PCGF6: variants seen among roughly 807,000 people sequenced by gnomAD.
PCGF6 encodes polycomb group ring finger 6.
PCGF6 carries 24 observed loss-of-function variants against 45.5 expected under a neutral mutation model. The ratio of observed to expected loss-of-function variants is 0.53; its 90% CI spans 0.38 to 0.74. PCGF6 has a LOEUF of 0.74. PCGF6 is among the 30% of genes least tolerant of loss of function. The pLI, the probability that PCGF6 is intolerant of heterozygous loss-of-function variation, is 0.00. For synonymous variants in PCGF6, 152 were observed against 162.1 expected, an observed-to-expected ratio of 0.94 and a Z score of 0.47; for missense variants, 356 against 443.2, an observed-to-expected ratio of 0.80 and a Z score of 1.77.
At chr10:103,315,964 TTA>T (rs796232789) in intron 8 of PCGF6, among the ~76,000 whole-genome samples, 7 of 144,958 alleles carry the variant, frequency 4.8e-5, no homozygotes, top group South Asian at 2.2e-4. Context: ...CCTCAACAGC[TTA>T]TATGTGTGTG....
intron 8 of PCGF6, among the ~76,000 whole-genome samples, chr10:103,320,644 C>T (rs866847551): frequency 3.9e-5 from 6 of 151,950 alleles, no homozygotes; most frequent in South Asian, 2.1e-4. Flanking sequence ...CCGACATCAT[C>T]GCACCATTGC....
At chr10:103,340,585 C>T (rs994941339) in intron 6 of PCGF6, among the ~76,000 whole-genome samples, 18 of 151,814 alleles carry the variant, frequency 1.2e-4, no homozygotes, top group African/African-American at 4.4e-4. Flanking sequence ...GAAAGTGTTA[C>T]ATTTCCCCAA....
At chr10:103,339,809 AAACACACACACACACACACACAC>A (rs2093272663) in intron 6 of PCGF6, among the ~76,000 whole-genome samples, 1 of 38,666 alleles carries the variant, frequency 2.6e-5, no homozygotes, top group Non-Finnish European at 5.3e-5. Context: ...CTCAAAAAAA[AAACACACACACACACACACACAC>A]ACACACACAC....
At chr10:103,319,563 T>C (rs1239983418) in intron 8 of PCGF6, among the ~76,000 whole-genome samples, 5 of 152,186 alleles carry the variant, frequency 3.3e-5, no homozygotes, top group African/African-American at 9.6e-5. Context: ...ATCTCCACTG[T>C]TGCATTCATT....
chr10:103,349,859 G>A (rs2093314645), intron 1 of PCGF6, among the ~76,000 whole-genome samples: 1 of 150,498 alleles, frequency 6.6e-6, no homozygotes, highest in African/African-American at 2.4e-5. Context: ...GAGGCGGGCG[G>A]ATCACGAGGT....
rs754001394 is a variant in PCGF6 at position 103,345,059 on chromosome 10, A to G, written c.747T>C (p.Pro249=). The change falls in exon 6 of 10, where the codon CCT becomes CCC. Residue 249 remains proline (P), a synonymous_variant. Coordinates refer to ENST00000369847, the MANE Select transcript of PCGF6 (RefSeq NM_001011663.2). ...KVLESVFRIP[P]ELDMSLLLEF... Reference sequence around the variant, plus strand: ...CCAGTAATAAAGACATATCAAGTTCAGGTGGAATACGAAACACTGATTCTA... The same window carrying G: ...CCAGTAATAAAGACATATCAAGTTCGGGTGGAATACGAAACACTGATTCTA... 4 of 1,612,252 alleles carry G rather than the reference A, an allele frequency of 2.5e-6. No homozygotes were observed. Among genetic ancestry groups the G allele is most frequent in the South Asian group, 2.2e-5 (2 of 90,806 alleles).
At chr10:103,316,005 TATATATATAG>T (rs2093174431) in intron 8 of PCGF6, among the ~76,000 whole-genome samples, 2 of 127,790 alleles carry the variant, frequency 1.6e-5, no homozygotes, top group African/African-American at 2.9e-5. Context: ...TATATATATA[TATATATATAG>T]AGAGAGAGAG....
chr10:103,328,329 C>T (rs932756491), intron 7 of PCGF6, among the ~76,000 whole-genome samples: 1 of 152,126 alleles, frequency 6.6e-6, no homozygotes, highest in African/African-American at 2.4e-5. Context: ...TTCTTGAGAA[C>T]TTTCCCAACT....
chr10:103,342,662 G>A (rs753421010), intron 6 of PCGF6, among the ~76,000 whole-genome samples: 1 of 152,130 alleles, frequency 6.6e-6, no homozygotes, highest in Non-Finnish European at 1.5e-5. Flanking sequence ...TTGCCTTTCT[G>A]CACCTTGCTT....
chr10:103,319,595 G>T (rs1199880173), intron 8 of PCGF6, among the ~76,000 whole-genome samples: 3 of 151,932 alleles, frequency 2.0e-5, no homozygotes, highest in Non-Finnish European at 4.4e-5. Context: ...TTAGTTAGTT[G>T]TTTACTTATA....
At chr10:103,336,575 T>C (rs961520715) in intron 6 of PCGF6, among the ~76,000 whole-genome samples, 10 of 152,138 alleles carry the variant, frequency 6.6e-5, no homozygotes, top group East Asian at 5.8e-4. Flanking sequence ...GTGACTTTGT[T>C]AGAAATTGCT....
chr10:103,342,179 G>A (rs1338712717), intron 6 of PCGF6, among the ~76,000 whole-genome samples: 3 of 150,948 alleles, frequency 2.0e-5, no homozygotes, highest in South Asian at 2.1e-4. Context: ...CAAGTGATCC[G>A]CCCACCTCGG....
rs943656768 is a variant in PCGF6 at position 103,310,693 on chromosome 10, T to A, written c.996+3493A>T. ...TAGGCAATTATACCAAAAAAAAAAA[T>A]ATTATTTCTTTTCTTTCTCTTTTTT... is the stretch of plus-strand genomic sequence containing the variant. On this transcript the variant is annotated intron_variant, in intron 9 of 9. Transcript: ENST00000369847. 5.3e-5 allele frequency among the ~76,000 whole-genome samples: 8 copies of A among 151,746 alleles called. No individual in the cohort carries two copies. The East Asian group carries it at 5.8e-4, about 11-fold the overall frequency.
At chr10:103,304,074 CTTTAA>C in intron 9 of PCGF6, 113 bp from the exon 10 acceptor site, 1 of 772,754 alleles carries the variant, frequency 1.3e-6, no homozygotes, top group South Asian at 1.8e-5. Context: ...AGGTGAAATT[CTTTAA>C]TTTAAAGAAA....
intron 6 of PCGF6, among the ~76,000 whole-genome samples, chr10:103,337,024 T>C (rs1203399704): frequency 4.2e-4 from 64 of 152,176 alleles, no homozygotes; most frequent in Non-Finnish European, 1.6e-4. Flanking sequence ...TTAAACTAAT[T>C]TGAGGGACTT....
intron 8 of PCGF6, among the ~76,000 whole-genome samples, chr10:103,316,819 C>G (rs2093177755): frequency 6.6e-6 from 1 of 152,066 alleles, no homozygotes; most frequent in Non-Finnish European, 1.5e-5. Context: ...AAAGTTGTTA[C>G]TAATCTGAGA....
At chr10:103,347,681 T>C (rs117294680) in intron 3 of PCGF6, among the ~76,000 whole-genome samples, 1,965 of 152,256 alleles carry the variant, frequency 0.013, 24 homozygotes, top group Non-Finnish European at 0.021. Context: ...AACTGTTTCA[T>C]GTGCATTGTT....
intron 6 of PCGF6, among the ~76,000 whole-genome samples, chr10:103,343,539 A>G (rs1278144174): frequency 2.0e-5 from 3 of 152,090 alleles, no homozygotes; most frequent in African/African-American, 7.2e-5. Flanking sequence ...GTATGAAAGA[A>G]GCAATTTATA....
intron 7 of PCGF6, among the ~76,000 whole-genome samples, chr10:103,328,967 G>C (rs183669364): frequency 6.6e-6 from 1 of 151,848 alleles, no homozygotes; most frequent in Non-Finnish European, 1.5e-5. Flanking sequence ...GGATGGTCTC[G>C]ATCTCCTGAC....
Sources: gnomAD v4.1 joint callset for allele counts (sites outside exome capture counted in the v4.1 genomes callset) on GRCh38, gnomAD v4.1.1 for gene constraint, MANE v1.5 for transcripts, NCBI Gene and HGNC (gene_info 2026-07-23, HGNC 2026-07-21) for gene names.